Variants in HSPA1L observed in about 807,000 individuals in gnomAD.
HSPA1L encodes heat shock protein family A (Hsp70) member 1 like, also known as heat shock 70 kDa protein 1-like.
In HSPA1L, 21 loss-of-function variants were observed where a neutral mutation model predicts 31.5. The observed-to-expected ratio is 0.67, with a 90% CI of 0.47 to 0.96. The LOEUF (loss-of-function observed/expected upper bound fraction) is 0.96, where lower values mean the gene tolerates loss of function less well. Ranked by LOEUF, HSPA1L falls within the 40% of genes least tolerant of loss-of-function variation. The probability of loss-of-function intolerance (pLI) is 0.00; values close to 1 mark genes in which losing one functional copy is unlikely to be tolerated. For synonymous variants in HSPA1L, 293 were observed against 323.1 expected (o/e 0.91, Z 1.00); for missense variants, 709 against 813.4 (o/e 0.87, Z 1.56).
In HSPA1L at chr6:31,811,229, C is replaced by G; in HGVS notation, c.744G>C (p.Lys248Asn). ...GGCTGATGTCCTTTTTGTGTTTCCT[C>G]TTGAACTCCTCCACGAAGTGGCTCA... ...RLVSHFVEEF[K>N]RKHKKDISQN... The change falls in exon 2 of 2, where the codon AAG (lysine) becomes AAC (asparagine). Residue 248 changes from lysine to asparagine, a missense_variant. Transcript: ENST00000375654. 2 of 1,614,158 alleles carry G rather than the reference C, an allele frequency of 1.2e-6. No homozygotes were observed. Among genetic ancestry groups the G allele is most frequent in the South Asian group, 1.1e-5 (1 of 91,088 alleles).
rs1815403175 is a variant in HSPA1L, at chr6:31,811,361, TCCA to T, written c.609_611del (p.Gly205del). 1 of 1,614,050 alleles carries T rather than the reference TCCA, an allele frequency of 6.2e-7. No individual in the cohort carries two copies. Among genetic ancestry groups the T allele is most frequent in the African/African-American group, 1.3e-5 (1 of 74,926 alleles). On this transcript the variant is annotated inframe_deletion, in exon 2 of 2. Transcript: ENST00000375654. ...TCAGAATTGACACATCAAATGTGCC[TCCA>T]CCCAGATCAAAAATCAGGACATGTC...
Position 31,810,570 on chromosome 6 carries a change from G to A in HSPA1L, c.1403C>T (p.Pro468Leu). Residue 468 changes from proline (P) to leucine (L), a missense_variant, in exon 2 of 2, where the codon CCA (proline) becomes CTA (leucine). Coordinates refer to ENST00000375654, the MANE Select transcript of HSPA1L (RefSeq NM_005527.4). ...LGRFDLTGIP[P>L]APRGVPQIEV... The stretch of plus-strand genomic sequence containing the variant: ...GATCTGAGGAACTCCCCTGGGTGCT[G>A]GAGGGATTCCAGTCAGGTCAAACCG... The A allele has an allele frequency of 6.2e-7, 1 of 1,613,750 alleles. No homozygotes were observed. Among genetic ancestry groups the A allele is most frequent in the Non-Finnish European group, 8.5e-7 (1 of 1,179,832 alleles).
Position 31,811,426 on chromosome 6 carries a change from T to C in HSPA1L, c.547A>G (p.Ile183Val), listed in dbSNP as rs769126652. 6.2e-7 allele frequency: 1 copy of C among 1,614,182 alleles called. No individual in the cohort carries two copies. ...RIINEPTAAA[I>V]AYGLDKGGQG... is the part of the protein sequence containing the mutation. ...CCTCCTTTATCTAAACCATAGGCAA[T>C]GGCAGCAGCCGTGGGCTCATTGATG... Residue 183 changes from isoleucine to valine, a missense_variant, in exon 2 of 2, where the codon ATT (isoleucine) becomes GTT (valine). Physicochemically the swap from Ile to Val is conservative, Grantham distance 29 (BLOSUM62 3). Coordinates refer to ENST00000375654, the MANE Select transcript of HSPA1L (RefSeq NM_005527.4).
In HSPA1L at chr6:31,811,341, A is replaced by C; in HGVS notation, c.632T>G (p.Ile211Ser). ...AAAAATCCCATCATCTATGGTCAGAATTGACACATCAAATGTGCCTCCACC... is the reference window on the plus strand; with the variant it reads ...AAAAATCCCATCATCTATGGTCAGACTTGACACATCAAATGTGCCTCCACC... ...DLGGGTFDVSILTIDDGIFEV... is the reference protein window; with the variant it reads ...DLGGGTFDVSSLTIDDGIFEV... The change falls in exon 2 of 2, where the codon ATT becomes AGT. Residue 211 changes from isoleucine (I) to serine (S), a missense_variant. Coordinates refer to ENST00000375654, the MANE Select transcript of HSPA1L (RefSeq NM_005527.4). The C allele has an allele frequency of 6.2e-7, 1 of 1,614,204 alleles. No homozygotes were observed. The highest frequency in any genetic ancestry group is 1.1e-5 in the South Asian group (1 of 91,088).
Position 31,811,610 on chromosome 6 carries a change from G to T in HSPA1L, c.363C>A (p.Ile121=). ...TCAACTTAGTCAATACCATCGAAGA[G>T]ATTTCCTCAGGGTAGAAAGCTTTAT... The part of the protein sequence containing the change: ...GENKAFYPEE[I]SSMVLTKLKE... The change falls in exon 2 of 2, where the codon ATC becomes ATA. Residue 121 remains isoleucine, a synonymous_variant. Coordinates refer to ENST00000375654, the MANE Select transcript of HSPA1L (RefSeq NM_005527.4). 6.2e-7 allele frequency: 1 copy of T among 1,614,176 alleles called. No homozygotes were observed. Among genetic ancestry groups the T allele is most frequent in the Middle Eastern group, 1.6e-4 (1 of 6,062 alleles).
Position 31,810,848 on chromosome 6 carries a change from AG to A in HSPA1L, c.1124del (p.Ala375ValfsTer8). 3.1e-6 allele frequency: 5 copies of A among 1,614,138 alleles called. No individual in the cohort carries two copies. Among genetic ancestry groups the A allele is most frequent in the Non-Finnish European group, 4.2e-6 (5 of 1,180,008 alleles). ...CCATCAGGATGGCTGCTTGTACCGCAGCCCCATATGCTACGGCCTCATCAGG... is the reference window on the plus strand; with the variant it reads ...CCATCAGGATGGCTGCTTGTACCGCACCCCATATGCTACGGCCTCATCAGG... ...INPDEAVAYG[A>X]AVQAAILMGD... On this transcript the variant is annotated frameshift_variant, in exon 2 of 2. Coordinates refer to ENST00000375654, the MANE Select transcript of HSPA1L (RefSeq NM_005527.4). LOFTEE classifies it high-confidence loss of function.
In HSPA1L at chr6:31,810,099, C is replaced by A. The variant is rs771411091; in HGVS notation, c.1874G>T (p.Gly625Val). 1 of 1,479,602 alleles carries A rather than the reference C, an allele frequency of 6.8e-7. No individual in the cohort carries two copies. The highest frequency in any genetic ancestry group is 8.9e-7 in the Non-Finnish European group (1 of 1,118,812). The allele number at this position is 1,479,602 out of a possible 1,614,324, so 91.7% of individuals were successfully genotyped here. A position where few individuals can be genotyped will look rare whatever the true frequency, so the allele number is the denominator to read the frequency against. Residue 625 changes from glycine to valine, a missense_variant, in exon 2 of 2, where the codon GGG (glycine) becomes GTG (valine). Gly to Val is a moderately radical substitution (Grantham distance 109, BLOSUM62 -3). Coordinates refer to ENST00000375654, the MANE Select transcript of HSPA1L (RefSeq NM_005527.4). ...TGTGGCAGGCCTTCCAGGCACATAC[C>A]CTGTTCCGCAGGCAGGCCCAGTGCA... ...GGCTGPACGT[G>V]YVPGRPATGP...
Position 31,810,374 on chromosome 6 carries a change from G to T in HSPA1L, c.1599C>A (p.Val533=). 6.2e-7 allele frequency: 1 copy of T among 1,610,776 alleles called. No homozygotes were observed. Among genetic ancestry groups the T allele is most frequent in the Non-Finnish European group, 8.5e-7 (1 of 1,178,472 alleles). ...DAEKYKAEDE[V]QREKIAAKNA... is the part of the protein sequence containing the mutation. ...TCTTTGCAGCAATTTTCTCCCTCTG[G>T]ACCTCATCTTCAGCTTTATATTTCT... is the stretch of plus-strand genomic sequence containing the variant. Residue 533 remains valine, a synonymous_variant, in exon 2 of 2, where the codon GTC becomes GTA. Coordinates refer to ENST00000375654, the MANE Select transcript of HSPA1L (RefSeq NM_005527.4).
chr6:31,814,694 G>A (rs1162708373), intron 1 of HSPA1L, among the ~76,000 whole-genome samples, 195 bp downstream of exon 1: 3 of 23,258 alleles, frequency 1.3e-4, no homozygotes. Flanking sequence ...CCCTTCCCCC[G>A]CCTCCCCCAT....
intron 1 of HSPA1L, among the ~76,000 whole-genome samples, chr6:31,813,282 AATATTC>A (rs758106351): frequency 5.9e-5 from 9 of 152,254 alleles, no homozygotes; most frequent in Non-Finnish European, 1.2e-4. Context: ...AAGGCTGAGT[AATATTC>A]ATATTTATAT....
At position 31,810,301 on chromosome 6, in the gene HSPA1L, C is replaced by A; in HGVS notation, c.1672G>T (p.Glu558Ter). 6.4e-7 allele frequency: 1 copy of A among 1,559,616 alleles called. No individual in the cohort carries two copies. Among genetic ancestry groups the A allele is most frequent in the Non-Finnish European group, 8.6e-7 (1 of 1,156,350 alleles). ...AFNMKSVVSD[E>*]GLKGKISESD... Reference sequence around the variant, plus strand: ...TCACTAATCTTGCCCTTCAAACCTTCATCACTCACAACACTCTTCATGTTA... The same window carrying A: ...TCACTAATCTTGCCCTTCAAACCTTAATCACTCACAACACTCTTCATGTTA... Residue 558 changes from glutamate (E) to a stop codon, truncating the protein, a stop_gained, in exon 2 of 2, where the codon GAA (glutamate) becomes TAA (stop). Coordinates refer to ENST00000375654, the MANE Select transcript of HSPA1L (RefSeq NM_005527.4). LOFTEE classifies it high-confidence loss of function.
At position 31,815,011 on chromosome 6, in the gene HSPA1L, C is replaced by A; in HGVS notation, c.-136G>T. 2 of 335,418 alleles carry A rather than the reference C, an allele frequency of 6.0e-6. No homozygotes were observed. Among genetic ancestry groups the A allele is most frequent in the Non-Finnish European group, 4.1e-6 (1 of 245,896 alleles). The allele number at this position is 335,418 out of a possible 1,614,324, so 20.8% of individuals were successfully genotyped here. On this transcript the variant is annotated 5_prime_UTR_variant, in exon 1 of 2. Coordinates refer to ENST00000375654, the MANE Select transcript of HSPA1L (RefSeq NM_005527.4). ...GGGTCCCCCCACCCCCCACCCCGTC[C>A]CTCCCTGCAAATTTGAGACGGCTCC...
At position 31,810,824 on chromosome 6, in the gene HSPA1L, C is replaced by T; in HGVS notation, c.1149G>A (p.Met383Ile). 1 of 1,614,140 alleles carries T rather than the reference C, an allele frequency of 6.2e-7. No homozygotes were observed. The highest frequency in any genetic ancestry group is 8.5e-7 in the Non-Finnish European group (1 of 1,180,026). The stretch of plus-strand genomic sequence containing the variant: ...CCTGTACCTTCTCAGACTTGTCCCC[C>T]ATCAGGATGGCTGCTTGTACCGCAG... ...YGAAVQAAIL[M>I]GDKSEKVQDL... Residue 383 changes from methionine to isoleucine, a missense_variant, in exon 2 of 2, where the codon ATG (methionine) becomes ATA (isoleucine). Met to Ile is a conservative substitution (Grantham distance 10). Transcript: ENST00000375654.
chr6:31,810,496 T>C lies in HSPA1L; in HGVS notation c.1477A>G (p.Thr493Ala), dbSNP rs780016316. ...TTCACCTTGCCGGTGCTCTTGTCCG[T>C]GGCTGTGACATTGAGAATACCATTG... is the stretch of plus-strand genomic sequence containing the variant. ...DANGILNVTA[T>A]DKSTGKVNKI... Residue 493 changes from threonine (T) to alanine (A), a missense_variant, in exon 2 of 2, where the codon ACG (threonine) becomes GCG (alanine). Coordinates refer to ENST00000375654, the MANE Select transcript of HSPA1L (RefSeq NM_005527.4). The C allele has an allele frequency of 6.8e-6, 11 of 1,613,354 alleles. No homozygotes were observed. The highest frequency in any genetic ancestry group is 9.3e-6 in the Non-Finnish European group (11 of 1,179,668).
In HSPA1L at chr6:31,811,363, C is replaced by T. The variant is rs1232357390; in HGVS notation, c.610G>A (p.Gly204Arg). 6.2e-7 allele frequency: 1 copy of T among 1,614,208 alleles called. No homozygotes were observed. Among genetic ancestry groups the T allele is most frequent in the African/African-American group, 1.3e-5 (1 of 75,054 alleles). Reference sequence around the variant, plus strand: ...AGAATTGACACATCAAATGTGCCTCCACCCAGATCAAAAATCAGGACATGT... The same window carrying T: ...AGAATTGACACATCAAATGTGCCTCTACCCAGATCAAAAATCAGGACATGT... ...ERHVLIFDLG[G>R]GTFDVSILTI... is the part of the protein sequence containing the mutation. The change falls in exon 2 of 2, where the codon GGA (glycine) becomes AGA (arginine). Residue 204 changes from glycine to arginine, a missense_variant. By Grantham distance (125) the Gly-to-Arg change is moderately radical (BLOSUM62 -2). Transcript: ENST00000375654.
chr6:31,813,389 C>T (rs1401172259), intron 1 of HSPA1L, among the ~76,000 whole-genome samples: 1 of 152,144 alleles, frequency 6.6e-6, no homozygotes, highest in African/African-American at 2.4e-5. Context: ...CTGCAACCTC[C>T]ACCTCCTGGG....
rs199534532 is a variant in HSPA1L at position 31,810,845 on chromosome 6, C to T, written c.1128G>A (p.Ala376=). The change falls in exon 2 of 2, where the codon GCG becomes GCA. Residue 376 remains alanine (A), a synonymous_variant. Transcript: ENST00000375654. ...CCCCCATCAGGATGGCTGCTTGTAC[C>T]GCAGCCCCATATGCTACGGCCTCAT... ...NPDEAVAYGA[A]VQAAILMGDK... The T allele has an allele frequency of 9.3e-6, 15 of 1,614,062 alleles. No individual in the cohort carries two copies. In the African/African-American group the frequency reaches 1.3e-4, roughly 14 times the overall value.
chr6:31,814,414 CAGG>C (rs1035129242), intron 1 of HSPA1L, among the ~76,000 whole-genome samples: 1 of 150,488 alleles, frequency 6.6e-6, no homozygotes, highest in African/African-American at 2.5e-5. Context: ...AAGGCTGAGG[CAGG>C]AGAATGGCCT....
intron 1 of HSPA1L, among the ~76,000 whole-genome samples, chr6:31,813,057 G>T (rs1815542774): frequency 6.6e-6 from 1 of 152,102 alleles, no homozygotes; most frequent in Non-Finnish European, 1.5e-5. Flanking sequence ...TGAGCTCAAG[G>T]AAACCTCCTC....
Sources: gnomAD v4.1 joint callset for allele counts (sites outside exome capture counted in the v4.1 genomes callset) on GRCh38, gnomAD v4.1.1 for gene constraint, MANE v1.5 for transcripts, NCBI Gene and HGNC (gene_info 2026-07-23, HGNC 2026-07-21) for gene names.